The following SLIT2 variants were observed in gnomAD, a reference collection of about 807,000 sequenced individuals.
The protein encoded by SLIT2 is slit guidance ligand 2.
SLIT2 carries 41 observed loss-of-function variants against 185.7 expected under a neutral mutation model. The ratio of observed to expected loss-of-function variants is 0.22; its 90% CI spans 0.17 to 0.29. The LOEUF (loss-of-function observed/expected upper bound fraction) is 0.29, where lower values mean the gene tolerates loss of function less well. SLIT2 is among the 10% of genes least tolerant of loss of function. The pLI, the probability that SLIT2 is intolerant of heterozygous loss-of-function variation, is 1.00. For missense variants in SLIT2, 1,571 were observed against 1,909.0 expected, an observed-to-expected ratio of 0.82 and a Z score of 3.30; for synonymous variants, 693 against 680.2, an observed-to-expected ratio of 1.02 and a Z score of -0.29.
At chr4:20,345,523 T>A (rs1209840695) in intron 4 of SLIT2, among the ~76,000 whole-genome samples, 1 of 149,994 alleles carries the variant, frequency 6.7e-6, no homozygotes, top group East Asian at 1.9e-4. Context: ...TTTCTTTTTC[T>A]TTTTTCCTTT....
chr4:20,323,158 A>G (rs1160606024), intron 4 of SLIT2, among the ~76,000 whole-genome samples: 1 of 151,866 alleles, frequency 6.6e-6, no homozygotes, highest in African/African-American at 2.4e-5. Flanking sequence ...CTAGGCAAAG[A>G]TAGTAAAAAT....
chr4:20,586,614 G>A (rs1435373574), intron 29 of SLIT2, among the ~76,000 whole-genome samples: 1 of 152,138 alleles, frequency 6.6e-6, no homozygotes, highest in Admixed American at 6.5e-5. Context: ...TATTTATACA[G>A]TGTTTAAAAC....
At chr4:20,496,893 T>A (rs968812094) in intron 9 of SLIT2, among the ~76,000 whole-genome samples, 1 of 152,152 alleles carries the variant, frequency 6.6e-6, no homozygotes, top group African/African-American at 2.4e-5. Context: ...AACAGCCTAT[T>A]ATCTCCCTGT....
intron 18 of SLIT2, among the ~76,000 whole-genome samples, chr4:20,537,034 G>A (rs74812170): frequency 0.019 from 2,945 of 152,224 alleles, 101 homozygotes; most frequent in African/African-American, 0.067. Context: ...TCCTAGGATA[G>A]CAATACCTTC....
chr4:20,539,423 T>TC lies in SLIT2; in HGVS notation c.1833-16dup. 1.2e-6 allele frequency: 2 copies of TC among 1,607,284 alleles called. No homozygotes were observed. The highest frequency in any genetic ancestry group is 1.7e-6 in the Non-Finnish European group (2 of 1,177,216). ...CTGATGCTTTGTCTCCATAACAATG[T>TC]CCTTTTTTTCCCCTCAGGATGTTGA... On this transcript the variant is annotated splice_polypyrimidine_tract_variant and intron_variant, in intron 18 of 36. Coordinates refer to ENST00000504154, the MANE Select transcript of SLIT2 (RefSeq NM_004787.4).
chr4:20,310,927 C>T (rs1263352385), intron 4 of SLIT2, among the ~76,000 whole-genome samples: 1 of 152,088 alleles, frequency 6.6e-6, no homozygotes, highest in Non-Finnish European at 1.5e-5. Context: ...TTCTCTTGCC[C>T]AGGCTGGAGT....
In SLIT2 at chr4:20,617,129, G is replaced by A; in HGVS notation, c.4067G>A (p.Cys1356Tyr). ...CCCAGCAGCCAGGCAGGCTTCACCT[G>A]CGAGTGCCAGGAAGGATGGATGGGG... ...CQPSSQAGFTCECQEGWMGPL... is the reference protein window; with the variant it reads ...CQPSSQAGFTYECQEGWMGPL... Residue 1356 changes from cysteine to tyrosine, a missense_variant, in exon 35 of 37, where the codon TGC becomes TAC. By Grantham distance (194) the Cys-to-Tyr change is radical. Around this residue, in one of 3 missense-constraint regions of SLIT2, gnomAD observed 223 missense variants for 245.2 expected, o/e 0.91. Transcript: ENST00000504154. The A allele has an allele frequency of 6.2e-7, 1 of 1,610,162 alleles. No homozygotes were observed. The highest frequency in any genetic ancestry group is 1.1e-5 in the South Asian group (1 of 90,988).
intron 4 of SLIT2, among the ~76,000 whole-genome samples, chr4:20,347,104 A>G (rs1721477933): frequency 6.6e-6 from 1 of 152,244 alleles, no homozygotes; most frequent in Non-Finnish European, 1.5e-5. Context: ...TTTGGAAAAT[A>G]TCAGAAAATG....
chr4:20,369,380 A>C (rs1400919810), intron 4 of SLIT2, among the ~76,000 whole-genome samples: 1 of 152,050 alleles, frequency 6.6e-6, no homozygotes, highest in African/African-American at 2.4e-5. Flanking sequence ...TCGGTAAACT[A>C]CAGCATACAA....
At chr4:20,603,677 C>T (rs1329843841) in intron 33 of SLIT2, among the ~76,000 whole-genome samples, 1 of 152,134 alleles carries the variant, frequency 6.6e-6, no homozygotes, top group African/African-American at 2.4e-5. Context: ...TACTAGTGTA[C>T]AGTTTTTCAT....
chr4:20,267,956 T>C (rs1713212836), intron 3 of SLIT2, among the ~76,000 whole-genome samples: 1 of 151,916 alleles, frequency 6.6e-6, no homozygotes. Context: ...TTTATCGTTT[T>C]ATTTAGATTT....
At chr4:20,449,431 G>A (rs573598647) in intron 4 of SLIT2, among the ~76,000 whole-genome samples, 31 of 152,134 alleles carry the variant, frequency 2.0e-4, no homozygotes, top group African/African-American at 7.2e-4. Context: ...ATTTTTATGA[G>A]GGAGTCTCAC....
rs190292868 is a variant in SLIT2 at position 20,252,318 on chromosome 4, G to C, written c.-1498G>C. Among the ~76,000 whole-genome samples the C allele has an allele frequency of 1.3e-5, 2 of 152,190 alleles. No individual in the cohort carries two copies. Among genetic ancestry groups the C allele is most frequent in the Non-Finnish European group, 2.9e-5 (2 of 68,036 alleles). On this transcript the variant is annotated 5_prime_UTR_variant, in exon 1 of 37. Coordinates refer to ENST00000504154, the MANE Select transcript of SLIT2 (RefSeq NM_004787.4). ...GGGCTCCGGAGTCGGCAGAGCCACC[G>C]AGTCCCCGCTCTGAGTCGTCGCCCT...
chr4:20,327,022 G>A (rs1308160293), intron 4 of SLIT2, among the ~76,000 whole-genome samples: 1 of 151,628 alleles, frequency 6.6e-6, no homozygotes, highest in South Asian at 2.1e-4. Flanking sequence ...ACTCATTTTT[G>A]TTGTAGTTAT....
At chr4:20,430,421 C>G (rs1324445410) in intron 4 of SLIT2, among the ~76,000 whole-genome samples, 1 of 152,136 alleles carries the variant, frequency 6.6e-6, no homozygotes, top group Admixed American at 6.5e-5. Flanking sequence ...TCTCATGTGG[C>G]CTCTCAGGCA....
intron 25 of SLIT2, 134 bp downstream of exon 25, chr4:20,551,032 G>A: frequency 1.9e-6 from 1 of 514,220 alleles, no homozygotes; most frequent in Admixed American, 3.7e-5. Context: ...AAAATGTGAA[G>A]ATTTTCAAAC....
intron 12 of SLIT2, among the ~76,000 whole-genome samples, chr4:20,521,649 CCT>C (rs1314563785): frequency 2.6e-5 from 4 of 152,056 alleles, no homozygotes; most frequent in African/African-American, 4.8e-5. Context: ...TTAATCAGCC[CCT>C]GTCACCCACC....
chr4:20,567,296 C>A lies in SLIT2; in HGVS notation c.2760C>A (p.Asn920Lys), dbSNP rs1212533062. The change falls in exon 27 of 37, where the codon AAC becomes AAA. Residue 920 changes from asparagine to lysine, a missense_variant. By Grantham distance (94) the Asn-to-Lys change is moderately conservative (BLOSUM62 0). Transcript: ENST00000504154. ...PVDVNILAKC[N>K]PCLSNPCKND... ...ATGTCAATATTCTAGCTAAGTGTAA[C>A]CCCTGCCTATCAAATCCGTGTAAAA... The A allele has an allele frequency of 1.9e-6, 3 of 1,612,138 alleles. No homozygotes were observed. Among genetic ancestry groups the A allele is most frequent in the Admixed American group, 1.7e-5 (1 of 59,848 alleles).
At chr4:20,450,386 C>T (rs895065366) in intron 4 of SLIT2, among the ~76,000 whole-genome samples, 4 of 152,078 alleles carry the variant, frequency 2.6e-5, no homozygotes, top group Non-Finnish European at 5.9e-5. Flanking sequence ...TGTATTTTGT[C>T]ACATTATAGA....
Sources: gnomAD v4.1 joint callset for allele counts (sites outside exome capture counted in the v4.1 genomes callset) on GRCh38, gnomAD v4.1.1 for gene constraint, gnomAD v4.1.1 regional missense constraint, MANE v1.5 for transcripts, NCBI Gene and HGNC (gene_info 2026-07-23, HGNC 2026-07-21) for gene names.